SPATA13: variants seen among roughly 807,000 people sequenced by gnomAD.
The protein encoded by SPATA13 is spermatogenesis associated 13, also known as spermatogenesis-associated protein 13.
In SPATA13, 50 loss-of-function variants were observed where a neutral mutation model predicts 104.0. The ratio of observed to expected loss-of-function variants is 0.48; its 90% CI spans 0.38 to 0.61. The LOEUF (loss-of-function observed/expected upper bound fraction) is 0.61, where lower values mean the gene tolerates loss of function less well. Among genes scored for constraint, SPATA13 ranks in the 20% least tolerant of loss-of-function variants. The pLI is 0.00. For missense variants in SPATA13, 1,524 were observed against 1,690.6 expected, an observed-to-expected ratio of 0.90 and a Z score of 1.73; for synonymous variants, 606 against 667.5, an observed-to-expected ratio of 0.91 and a Z score of 1.42.
Position 24,302,883 on chromosome 13 carries a change from C to A in SPATA13, c.*110C>A, listed in dbSNP as rs944099130. 2.2e-6 allele frequency: 3 copies of A among 1,388,668 alleles called. No individual in the cohort carries two copies. Among genetic ancestry groups the A allele is most frequent in the Admixed American group, 3.7e-5 (2 of 54,100 alleles). 86.0% of individuals were successfully genotyped at this position (1,388,668 alleles called of 1,614,324 possible). On this transcript the variant is annotated 3_prime_UTR_variant, in exon 13 of 13. Transcript: ENST00000382108. ...TCTTGGACCCAGTGATAAAAACTTC[C>A]TTTTAGGGATCAATGAAGGAGAGAA...
intron 2 of SPATA13, among the ~76,000 whole-genome samples, chr13:24,243,873 G>A (rs1872978020): frequency 6.6e-6 from 1 of 152,180 alleles, no homozygotes; most frequent in African/African-American, 2.4e-5. Context: ...CTTTTGGTAT[G>A]CCCAGAGTCC....
At chr13:24,261,003 A>G (rs1874037985) in intron 4 of SPATA13, among the ~76,000 whole-genome samples, 2 of 152,192 alleles carry the variant, frequency 1.3e-5, no homozygotes, top group Non-Finnish European at 2.9e-5. Flanking sequence ...CCTCAGCTCC[A>G]GGTCAAGGCT....
At chr13:23,997,536 T>C (rs1194256296) in intron 2 of SPATA13, among the ~76,000 whole-genome samples, 1 of 93,626 alleles carries the variant, frequency 1.1e-5, no homozygotes, top group African/African-American at 4.5e-5. Flanking sequence ...TTAGTAGTTA[T>C]ATTAGTCCAT....
chr13:24,200,719 T>C (rs1172057533), intron 1 of SPATA13, among the ~76,000 whole-genome samples: 4 of 150,638 alleles, frequency 2.7e-5, no homozygotes, highest in Non-Finnish European at 4.4e-5. Context: ...ACACGTGTGA[T>C]TAGTTTCTCT....
At chr13:24,239,895 C>T (rs1872749720) in intron 2 of SPATA13, among the ~76,000 whole-genome samples, 1 of 151,722 alleles carries the variant, frequency 6.6e-6, no homozygotes, top group Admixed American at 6.6e-5. Flanking sequence ...CCTCTATATT[C>T]TTTAGCATGT....
intron 1 of SPATA13, among the ~76,000 whole-genome samples, chr13:24,215,097 A>G (rs1871207607): frequency 6.6e-6 from 1 of 152,264 alleles, no homozygotes; most frequent in South Asian, 2.1e-4. Context: ...CACCTCTAAC[A>G]AAGTCTCACA....
chr13:24,129,376 A>G (rs1370831327), intron 3 of SPATA13, among the ~76,000 whole-genome samples: 1 of 152,246 alleles, frequency 6.6e-6, no homozygotes, highest in Non-Finnish European at 1.5e-5. Context: ...AGGATGGAAA[A>G]AAATTGCCAA....
Position 24,297,515 on chromosome 13 carries a change from G to T in SPATA13, c.3363G>T (p.Leu1121=). The change falls in exon 11 of 13, where the codon CTG becomes CTT. Residue 1121 remains leucine (L), a synonymous_variant. Transcript: ENST00000382108. ...AGGACCTGCTGCGCAGGGACATGCT[G>T]TACTACAAGGGCCGGCTGGACATGG... ...CKKDLLRRDM[L]YYKGRLDMDE... 2 of 1,614,218 alleles carry T rather than the reference G, an allele frequency of 1.2e-6. No individual in the cohort carries two copies. The highest frequency in any genetic ancestry group is 1.7e-6 in the Non-Finnish European group (2 of 1,180,044).
chr13:24,234,870 GTTGGGCC>G (rs1179789958), intron 2 of SPATA13, among the ~76,000 whole-genome samples: 1 of 152,226 alleles, frequency 6.6e-6, no homozygotes, highest in Admixed American at 6.5e-5. Context: ...GTGTAAGGTA[GTTGGGCC>G]TTGTTCTGCT....
chr13:24,067,825 C>A (rs1362617410), intron 3 of SPATA13, among the ~76,000 whole-genome samples: 1 of 152,128 alleles, frequency 6.6e-6, no homozygotes, highest in Non-Finnish European at 1.5e-5. Context: ...CTGCCTCAGC[C>A]TCCCAAATAG....
chr13:24,029,824 G>A (rs1428385698), intron 3 of SPATA13, among the ~76,000 whole-genome samples: 2 of 151,978 alleles, frequency 1.3e-5, no homozygotes, highest in Non-Finnish European at 2.9e-5. Context: ...CCCTCTAGGT[G>A]TCTATATGTT....
chr13:24,082,812 G>A (rs1007536257), intron 3 of SPATA13, among the ~76,000 whole-genome samples: 4 of 106,172 alleles, frequency 3.8e-5, no homozygotes, highest in African/African-American at 3.7e-5. Flanking sequence ...GGGCGACAGA[G>A]CGAGACTCCG....
chr13:24,277,294 A>G (rs898272485), intron 4 of SPATA13, among the ~76,000 whole-genome samples: 11 of 152,002 alleles, frequency 7.2e-5, no homozygotes, highest in African/African-American at 2.4e-4. Context: ...AATACAAAAA[A>G]TTAGCTGGGT....
chr13:24,040,037 C>G (rs906624428), intron 3 of SPATA13, among the ~76,000 whole-genome samples: 1 of 152,168 alleles, frequency 6.6e-6, no homozygotes, highest in Admixed American at 6.5e-5. Flanking sequence ...TCACAAGCAC[C>G]GTTTGGTGAG....
rs144133938 is a variant in SPATA13 at position 24,118,252 on chromosome 13, T to A, written c.-112+100551T>A. Among the ~76,000 whole-genome samples, 113 of 152,300 alleles carry A rather than the reference T, an allele frequency of 7.4e-4. 1 individual carries two copies. Among genetic ancestry groups the A allele is most frequent in the African/African-American group, 2.5e-3 (106 of 41,570 alleles). Reference sequence around the variant, plus strand: ...GCCTCAGAGCACTCACTCCCCATCATGGTCTCTTTTTACCAACAGGGGTCT... The same window carrying A: ...GCCTCAGAGCACTCACTCCCCATCAAGGTCTCTTTTTACCAACAGGGGTCT... On this transcript the variant is annotated intron_variant, in intron 3 of 14. Transcript: ENST00000424834.
intron 3 of SPATA13, among the ~76,000 whole-genome samples, chr13:24,139,993 G>A (rs1229147076): frequency 5.9e-5 from 9 of 151,894 alleles, no homozygotes; most frequent in Non-Finnish European, 1.2e-4. Context: ...GTGTGAACCC[G>A]GGAGGCGGAG....
At chr13:24,019,309 C>T (rs1876868183) in intron 3 of SPATA13, among the ~76,000 whole-genome samples, 1 of 151,762 alleles carries the variant, frequency 6.6e-6, no homozygotes, top group African/African-American at 2.4e-5. Context: ...GGGATGGTCT[C>T]GATCTCCTGA....
intron 3 of SPATA13, among the ~76,000 whole-genome samples, chr13:24,029,864 G>A (rs1814278756): frequency 6.6e-6 from 1 of 152,042 alleles, no homozygotes; most frequent in Non-Finnish European, 1.5e-5. Flanking sequence ...TTATAAGTGA[G>A]AACATGCGGT....
intron 1 of SPATA13, among the ~76,000 whole-genome samples, chr13:24,190,737 C>T (rs4770620): frequency 0.75 from 113,433 of 151,976 alleles, 46,304 homozygotes; most frequent in Non-Finnish European, 0.91. Flanking sequence ...TTTCTTGTGA[C>T]GGAAACTACC....
Sources: allele counts gnomAD v4.1 joint callset (sites outside exome capture counted in the v4.1 genomes callset), GRCh38; gene constraint gnomAD v4.1.1; transcripts MANE v1.5; gene names NCBI Gene and HGNC (gene_info 2026-07-23, HGNC 2026-07-21).